Variants in ADAMTSL1 observed in about 807,000 individuals in gnomAD.
ADAMTSL1 encodes ADAMTS like 1.
A neutral mutation model predicts 201.8 loss-of-function variants in ADAMTSL1; 126 were observed. That is an observed-to-expected ratio of 0.62 (90% CI 0.54 to 0.72). The LOEUF (loss-of-function observed/expected upper bound fraction) is 0.72, where lower values mean the gene tolerates loss of function less well. Ranked by LOEUF, ADAMTSL1 falls within the 30% of genes least tolerant of loss-of-function variation. The pLI, the probability that ADAMTSL1 is intolerant of heterozygous loss-of-function variation, is 0.00. For synonymous variants in ADAMTSL1, 1,121 were observed against 903.4 expected (o/e 1.24, Z -4.32); for missense variants, 2,679 against 2,277.8 (o/e 1.18, Z -3.59).
intron 2 of ADAMTSL1, among the ~76,000 whole-genome samples, chr9:18,175,330 C>G (rs1563785933): frequency 6.6e-6 from 1 of 152,150 alleles, no homozygotes; most frequent in Non-Finnish European, 1.5e-5. Flanking sequence ...TCCCAGTTCT[C>G]CACAAACACC....
chr9:18,797,561 C>T (rs936068376), intron 20 of ADAMTSL1, among the ~76,000 whole-genome samples: 1 of 152,012 alleles, frequency 6.6e-6, no homozygotes, highest in African/African-American at 2.4e-5. Flanking sequence ...GCATGGAGAC[C>T]CTGCTTAGTA....
intron 3 of ADAMTSL1, among the ~76,000 whole-genome samples, chr9:18,536,640 T>C (rs978501199): frequency 1.3e-5 from 2 of 152,208 alleles, no homozygotes; most frequent in South Asian, 4.1e-4. Flanking sequence ...AGAGTTTATC[T>C]AATCTTTCCC....
chr9:18,833,405 G>T (rs1825113526), intron 23 of ADAMTSL1, among the ~76,000 whole-genome samples: 1 of 152,170 alleles, frequency 6.6e-6, no homozygotes, highest in Admixed American at 6.5e-5. Context: ...ATTCTAACTG[G>T]TGTGAGATGG....
chr9:17,927,169 TG>T (rs1448160930), intron 1 of ADAMTSL1, among the ~76,000 whole-genome samples: 3 of 152,210 alleles, frequency 2.0e-5, no homozygotes, highest in African/African-American at 7.2e-5. Context: ...GGTTTTATTT[TG>T]TGACTGGCTT....
At chr9:18,246,865 A>G (rs933510840) in intron 2 of ADAMTSL1, among the ~76,000 whole-genome samples, 2 of 152,182 alleles carry the variant, frequency 1.3e-5, no homozygotes, top group African/African-American at 2.4e-5. Flanking sequence ...AGTAGGCCCA[A>G]TGTAATAAAT....
chr9:18,846,153 A>G lies in ADAMTSL1; in HGVS notation c.4249+16176A>G, dbSNP rs554569944. ...TGAGCATCTATTTACTATACCAGGC[A>G]CTGTTCTAGGTACTGAGGACACAGT... is the stretch of plus-strand genomic sequence containing the variant. On this transcript the variant is annotated intron_variant, in intron 23 of 28. Transcript: ENST00000380548. Among the ~76,000 whole-genome samples the G allele has an allele frequency of 1.2e-4, 19 of 152,344 alleles. No homozygotes were observed. The South Asian group carries it at 3.3e-3, about 27-fold the overall frequency.
chr9:18,182,397 T>A (rs925521686), intron 2 of ADAMTSL1, among the ~76,000 whole-genome samples: 1 of 152,168 alleles, frequency 6.6e-6, no homozygotes, highest in Non-Finnish European at 1.5e-5. Flanking sequence ...TGTTGATTTT[T>A]AAAAAGAATC....
At chr9:18,613,505 A>T (rs1282347616) in intron 4 of ADAMTSL1, among the ~76,000 whole-genome samples, 1 of 152,242 alleles carries the variant, frequency 6.6e-6, no homozygotes, top group Non-Finnish European at 1.5e-5. Context: ...AATGTGGTAA[A>T]GAAACACCAT....
exon 1 of ADAMTSL1, chr9:17,906,728 C>T (rs1186139285): frequency 2.6e-5 from 4 of 152,842 alleles, no homozygotes; most frequent in Admixed American, 6.5e-5. Flanking sequence ...CGCCCGAGCC[C>T]GCCTGCCGGC....
intron 1 of ADAMTSL1, among the ~76,000 whole-genome samples, chr9:17,972,635 T>C (rs2131432374): frequency 6.6e-6 from 1 of 152,036 alleles, no homozygotes; most frequent in African/African-American, 2.4e-5. Flanking sequence ...CATGTGCATG[T>C]GTCTTTATAG....
chr9:18,274,921 C>T (rs994293810), intron 2 of ADAMTSL1, among the ~76,000 whole-genome samples: 3 of 152,166 alleles, frequency 2.0e-5, no homozygotes, highest in African/African-American at 7.2e-5. Flanking sequence ...AGAAAATTTC[C>T]TCCCATGAGC....
At chr9:18,076,633 T>C (rs758988090) in intron 1 of ADAMTSL1, among the ~76,000 whole-genome samples, 1 of 152,146 alleles carries the variant, frequency 6.6e-6, no homozygotes, top group East Asian at 1.9e-4. Context: ...AATAGAATAT[T>C]TGGAGACCTC....
intron 1 of ADAMTSL1, among the ~76,000 whole-genome samples, chr9:18,016,978 A>G (rs1820284191): frequency 6.6e-6 from 1 of 152,060 alleles, no homozygotes; most frequent in African/African-American, 2.4e-5. Flanking sequence ...GCAGATACCT[A>G]GCATATGTAC....
chr9:18,516,166 C>T (rs1341140573), intron 2 of ADAMTSL1, among the ~76,000 whole-genome samples: 2 of 151,782 alleles, frequency 1.3e-5, no homozygotes, highest in East Asian at 3.9e-4. Flanking sequence ...TCGGTTTGGG[C>T]CCAATTTGTA....
chr9:18,842,139 A>G (rs534411230), intron 23 of ADAMTSL1, among the ~76,000 whole-genome samples: 13 of 151,522 alleles, frequency 8.6e-5, no homozygotes, highest in African/African-American at 3.2e-4. Context: ...TAGGGTGTCA[A>G]TTTTGGATCT....
At chr9:18,101,028 A>G (rs1444093097) in intron 1 of ADAMTSL1, among the ~76,000 whole-genome samples, 6 of 151,936 alleles carry the variant, frequency 3.9e-5, no homozygotes, top group African/African-American at 1.5e-4. Flanking sequence ...GCTGTCACAT[A>G]CTTTTGTTGT....
chr9:18,197,889 G>A, intron 2 of ADAMTSL1, among the ~76,000 whole-genome samples: 1 of 151,946 alleles, frequency 6.6e-6, no homozygotes, highest in African/African-American at 2.4e-5. Flanking sequence ...AAGACAGCAT[G>A]GTACTGGTAC....
intron 2 of ADAMTSL1, among the ~76,000 whole-genome samples, chr9:18,402,134 C>T (rs1395769960): frequency 6.6e-6 from 1 of 152,116 alleles, no homozygotes; most frequent in African/African-American, 2.4e-5. Context: ...CTGAAACCAT[C>T]CAGAAGGCTC....
At chr9:18,842,923 C>T (rs1239963632) in intron 23 of ADAMTSL1, among the ~76,000 whole-genome samples, 5 of 152,062 alleles carry the variant, frequency 3.3e-5, no homozygotes, top group African/African-American at 7.3e-5. Context: ...TGAGCCTATG[C>T]ATGTCTCTGC....
Sources: allele counts gnomAD v4.1 joint callset (sites outside exome capture counted in the v4.1 genomes callset), GRCh38; gene constraint gnomAD v4.1.1; transcripts MANE v1.5; gene names NCBI Gene and HGNC (gene_info 2026-07-23, HGNC 2026-07-21).